Variants in NRG1 observed in about 807,000 individuals in gnomAD.
The protein encoded by NRG1 is pro-neuregulin-1, membrane-bound isoform.
NRG1 carries 18 observed loss-of-function variants against 63.8 expected under a neutral mutation model. The ratio of observed to expected loss-of-function variants is 0.28; its 90% CI spans 0.19 to 0.42. The LOEUF is 0.42. Ranked by LOEUF, NRG1 falls within the 10% of genes least tolerant of loss-of-function variation. NRG1 has a pLI of 1.00. For synonymous variants in NRG1, 302 were observed against 301.3 expected (o/e 1.00, Z -0.02); for missense variants, 762 against 814.7 (o/e 0.94, Z 0.79).
At chr8:31,935,894 A>G (rs1835262761) in intron 1 of NRG1, among the ~76,000 whole-genome samples, 1 of 152,198 alleles carries the variant, frequency 6.6e-6, no homozygotes, top group Admixed American at 6.5e-5. Flanking sequence ...TTCCTAAGAC[A>G]TTTTGCTTAG....
chr8:31,944,645 A>G (rs1802260652), intron 1 of NRG1, among the ~76,000 whole-genome samples: 1 of 152,202 alleles, frequency 6.6e-6, no homozygotes, highest in African/African-American at 2.4e-5. Flanking sequence ...TCAGCCTTGT[A>G]TTTCACAGAT....
At chr8:31,830,522 A>C (rs1209217816) in intron 1 of NRG1, among the ~76,000 whole-genome samples, 7 of 152,184 alleles carry the variant, frequency 4.6e-5, no homozygotes, top group African/African-American at 1.7e-4. Context: ...TGAAGATGAC[A>C]GTTTGGATCA....
chr8:32,338,160 G>A (rs1038096246), intron 1 of NRG1, among the ~76,000 whole-genome samples: 8 of 152,180 alleles, frequency 5.3e-5, no homozygotes, highest in African/African-American at 1.4e-4. Flanking sequence ...TTACCATGAA[G>A]TGAACTCTAT....
chr8:31,671,760 G>A (rs183430472), intron 1 of NRG1, among the ~76,000 whole-genome samples: 141 of 152,244 alleles, frequency 9.3e-4, no homozygotes, highest in Middle Eastern at 3.4e-3. Flanking sequence ...AGAGGGAGGA[G>A]TTCACAGACT....
rs181106817 is a variant in NRG1, at chr8:32,481,250, G to T, written c.38-114578G>T. The stretch of plus-strand genomic sequence containing the variant: ...TCCCAGCTACTCAAGAGGCTGAGGT[G>T]GGGGGATTGCTTGAGCCTGGCAGGC... On this transcript the variant is annotated intron_variant, in intron 1 of 10. Transcript: ENST00000519301. 1.4e-3 allele frequency among the ~76,000 whole-genome samples: 219 copies of T among 152,046 alleles called. 1 individual carries two copies. Among genetic ancestry groups the T allele is most frequent in the African/African-American group, 5.1e-3 (210 of 41,480 alleles).
At chr8:32,553,752 A>G (rs1422185922) in intron 1 of NRG1, among the ~76,000 whole-genome samples, 1 of 152,192 alleles carries the variant, frequency 6.6e-6, no homozygotes, top group Non-Finnish European at 1.5e-5. Flanking sequence ...GCCCCTCACT[A>G]TCTTTTTATC....
At chr8:32,621,481 G>T (rs1352375396) in intron 5 of NRG1, among the ~76,000 whole-genome samples, 3 of 152,188 alleles carry the variant, frequency 2.0e-5, no homozygotes, top group Admixed American at 6.5e-5. Context: ...GATGCCAGCT[G>T]CTGGTAGCCC....
intron 1 of NRG1, among the ~76,000 whole-genome samples, chr8:31,719,516 G>C (rs1177809867): frequency 6.6e-6 from 1 of 152,094 alleles, no homozygotes; most frequent in African/African-American, 2.4e-5. Context: ...CGAAGTTAGG[G>C]GTAGAAGAGA....
chr8:32,050,080 A>G (rs1263628325), intron 1 of NRG1, among the ~76,000 whole-genome samples: 3 of 152,184 alleles, frequency 2.0e-5, no homozygotes, highest in Non-Finnish European at 2.9e-5. Context: ...TAATATCTGT[A>G]TCATATGTGG....
chr8:32,408,382 G>A (rs1461405527), intron 1 of NRG1, among the ~76,000 whole-genome samples: 1 of 152,166 alleles, frequency 6.6e-6, no homozygotes, highest in Non-Finnish European at 1.5e-5. Flanking sequence ...TTCAAGAACA[G>A]TTTGAACTGT....
chr8:32,643,671 C>G (rs1433512530), intron 5 of NRG1, among the ~76,000 whole-genome samples: 1 of 152,178 alleles, frequency 6.6e-6, no homozygotes, highest in Non-Finnish European at 1.5e-5. Context: ...CAATACATAA[C>G]TGAAATCGCT....
Position 31,937,210 on chromosome 8 carries a change from GA to G in NRG1, c.37+297786del, listed in dbSNP as rs1457624763. On this transcript the variant is annotated intron_variant, in intron 1 of 10. Coordinates refer to the NRG1 transcript ENST00000519301. ...TGTCAACATACCTTTTCTATTGGAA[GA>G]AAAAAAGAAAATGGGCTTGAATAAA... Among the ~76,000 whole-genome samples the G allele has an allele frequency of 1.3e-5, 2 of 151,996 alleles. 1 individual carries two copies. The highest frequency in any genetic ancestry group is 4.2e-4 in the South Asian group (2 of 4,818).
At chr8:31,897,192 G>A (rs1831641471) in intron 1 of NRG1, among the ~76,000 whole-genome samples, 1 of 152,086 alleles carries the variant, frequency 6.6e-6, no homozygotes, top group African/African-American at 2.4e-5. Flanking sequence ...GCATTCCAAA[G>A]TTAACCTGAA....
At chr8:32,303,271 A>T (rs1855822084) in intron 1 of NRG1, among the ~76,000 whole-genome samples, 1 of 151,906 alleles carries the variant, frequency 6.6e-6, no homozygotes, top group African/African-American at 2.4e-5. Context: ...GCCATTTACC[A>T]TGGGGATATA....
intron 5 of NRG1, chr8:32,647,138 G>A: frequency 1.2e-5 from 12 of 985,350 alleles, no homozygotes; most frequent in Non-Finnish European, 1.4e-5. Flanking sequence ...TGCTCCGAGG[G>A]CAGGCACCTG....
chr8:32,097,889 A>G (rs938709063), intron 1 of NRG1, among the ~76,000 whole-genome samples: 1 of 152,218 alleles, frequency 6.6e-6, no homozygotes, highest in Non-Finnish European at 1.5e-5. Context: ...ATTGAAGATG[A>G]AAAGAATTGC....
At position 31,687,673 on chromosome 8, in the gene NRG1, T is replaced by A. The variant is rs77421992; in HGVS notation, c.37+48242T>A. Among the ~76,000 whole-genome samples, 95 of 152,342 alleles carry A rather than the reference T, an allele frequency of 6.2e-4. No individual in the cohort carries two copies. The East Asian group carries it at 0.015, about 25-fold the overall frequency. On this transcript the variant is annotated intron_variant, in intron 1 of 10. Transcript: ENST00000519301. ...GCTTAGAGTGTTTATTAGGGAGTGCTGTTGGAAACAACACAATGGAAGAGA... is the reference window on the plus strand; with the variant it reads ...GCTTAGAGTGTTTATTAGGGAGTGCAGTTGGAAACAACACAATGGAAGAGA...
chr8:31,983,576 C>A, intron 1 of NRG1, among the ~76,000 whole-genome samples: 1 of 151,930 alleles, frequency 6.6e-6, no homozygotes, highest in Admixed American at 6.6e-5. Context: ...GAAATGGGAT[C>A]TTGCTATGTT....
chr8:31,715,267 T>A (rs1443530536), intron 1 of NRG1, among the ~76,000 whole-genome samples: 1 of 152,104 alleles, frequency 6.6e-6, no homozygotes, highest in East Asian at 1.9e-4. Context: ...AAAGTTTCTT[T>A]GACAAAAAGG....
Sources: allele counts gnomAD v4.1 joint callset (sites outside exome capture counted in the v4.1 genomes callset), GRCh38; gene constraint gnomAD v4.1.1; transcripts MANE v1.5; gene names NCBI Gene and HGNC (gene_info 2026-07-23, HGNC 2026-07-21).